Variants in PADI3 observed in about 807,000 individuals in gnomAD.
The protein encoded by PADI3 is protein-arginine deiminase type-3.
A neutral mutation model predicts 71.5 loss-of-function variants in PADI3; 53 were observed. The ratio of observed to expected loss-of-function variants is 0.74; its 90% confidence interval spans 0.59 to 0.93. The LOEUF is 0.93. Among genes scored for constraint, PADI3 ranks in the 40% least tolerant of loss-of-function variants. The pLI, the probability that PADI3 is intolerant of heterozygous loss-of-function variation, is 0.00. For synonymous variants in PADI3, 361 were observed against 347.5 expected (o/e 1.04, Z -0.43); for missense variants, 821 against 868.0 (o/e 0.95, Z 0.68).
intron 1 of PADI3, among the ~76,000 whole-genome samples, chr1:17,251,822 T>C (rs1056289920): frequency 6.6e-6 from 1 of 152,226 alleles, no homozygotes; most frequent in Non-Finnish European, 1.5e-5. Flanking sequence ...CCTGGGCCTG[T>C]GGACAGCCTC....
intron 3 of PADI3, 125 bp from the exon 4 acceptor site, chr1:17,265,534 C>A (rs1470425894): frequency 2.4e-6 from 2 of 831,108 alleles, no homozygotes; most frequent in South Asian, 1.5e-5. Flanking sequence ...GATGCCCTCA[C>A]CTCTTGGATG....
intron 1 of PADI3, among the ~76,000 whole-genome samples, chr1:17,250,537 T>A: frequency 6.6e-6 from 1 of 151,480 alleles, no homozygotes; most frequent in East Asian, 1.9e-4. Context: ...TGAGAGGGGG[T>A]GAGGAGCTGG....
intron 15 of PADI3, among the ~76,000 whole-genome samples, chr1:17,281,494 G>A (rs1442428905): frequency 6.9e-6 from 1 of 145,248 alleles, no homozygotes; most frequent in African/African-American, 2.6e-5. Flanking sequence ...TGCCCAGGCT[G>A]GAGGGCAGTG....
rs549818048 is a variant in PADI3, at chr1:17,262,279, G to A, written c.346+74G>A. 1.6e-5 allele frequency: 18 copies of A among 1,132,024 alleles called. No homozygotes were observed. The East Asian group carries it at 1.7e-4, about 11-fold the overall frequency. 70.1% of individuals were successfully genotyped at this position (1,132,024 alleles called of 1,614,324 possible). On this transcript the variant is annotated intron_variant, in intron 3 of 15. Transcript: ENST00000375460. ...ATTCAAGCAGTACAAAAGAGTATACGTTGAAAATTAAACCTCCTTCCCTCC... is the reference window on the plus strand; with the variant it reads ...ATTCAAGCAGTACAAAAGAGTATACATTGAAAATTAAACCTCCTTCCCTCC...
At chr1:17,279,484 C>A (rs773404962) in intron 13 of PADI3, among the ~76,000 whole-genome samples, 5 of 152,134 alleles carry the variant, frequency 3.3e-5, no homozygotes, top group African/African-American at 1.2e-4. Context: ...TGGGGTGAAG[C>A]GGGCGTTAGA....
In PADI3 at chr1:17,270,904, C is replaced by A; in HGVS notation, c.857C>A (p.Thr286Asn). 3 of 1,614,134 alleles carry A rather than the reference C, an allele frequency of 1.9e-6. No homozygotes were observed. Among genetic ancestry groups the A allele is most frequent in the Non-Finnish European group, 2.5e-6 (3 of 1,180,000 alleles). The change falls in exon 8 of 16, where the codon ACT becomes AAT. Residue 286 changes from threonine to asparagine, a missense_variant. Transcript: ENST00000375460. ...NEDFSASPIF[T>N]DTVVFRVAPW... ...GATTTCTCGGCATCCCCTATCTTCA[C>A]TGACACTGTGGTGTTCCGAGTGGCA... is the stretch of plus-strand genomic sequence containing the variant.
intron 5 of PADI3, 91 bp from the exon 6 acceptor site, chr1:17,267,746 C>A: frequency 6.8e-7 from 1 of 1,467,852 alleles, no homozygotes; most frequent in Non-Finnish European, 9.2e-7. Flanking sequence ...GGTCTTGATA[C>A]CCACTGACCT....
rs200351902 is a variant in PADI3, at chr1:17,277,343, C to T, written c.1555+467C>T. Among the ~76,000 whole-genome samples, 113 of 152,224 alleles carry T rather than the reference C, an allele frequency of 7.4e-4. 1 individual carries two copies. Among genetic ancestry groups the T allele is most frequent in the African/African-American group, 2.6e-3 (109 of 41,542 alleles). On this transcript the variant is annotated intron_variant, in intron 13 of 15. Coordinates refer to ENST00000375460, the MANE Select transcript of PADI3 (RefSeq NM_016233.2). ...CTGAGTAGCTGGGATTACAGGCATG[C>T]GCCACCACGCCCGGCTAATTTTGTG...
chr1:17,271,952 A>G (rs987887674), intron 9 of PADI3, among the ~76,000 whole-genome samples: 6 of 152,054 alleles, frequency 3.9e-5, no homozygotes, highest in Non-Finnish European at 8.8e-5. Context: ...ACCTCTGCCC[A>G]GGGAATCAGT....
At chr1:17,260,595 T>C (rs1212971942) in intron 2 of PADI3, among the ~76,000 whole-genome samples, 1 of 152,096 alleles carries the variant, frequency 6.6e-6, no homozygotes, top group Non-Finnish European at 1.5e-5. Flanking sequence ...CGCACACTAA[T>C]GGTCAGGAGA....
intron 5 of PADI3, 39 bp from the exon 6 acceptor site, chr1:17,267,798 G>A: frequency 1.2e-6 from 2 of 1,608,250 alleles, no homozygotes. Flanking sequence ...CAGGGGCCAG[G>A]ACTCCCTTGA....
intron 1 of PADI3, among the ~76,000 whole-genome samples, chr1:17,256,362 T>C (rs1569879322): frequency 6.6e-6 from 1 of 152,232 alleles, no homozygotes; most frequent in East Asian, 1.9e-4. Context: ...AGCTGGCCGA[T>C]GTGTGACCCA....
chr1:17,281,410 G>A (rs550203551), intron 15 of PADI3, among the ~76,000 whole-genome samples: 170 of 152,134 alleles, frequency 1.1e-3, no homozygotes, highest in African/African-American at 4.0e-3. Context: ...AGCCTTGAGG[G>A]CTTTGCCTCT....
At chr1:17,250,515 C>G (rs1229457401) in intron 1 of PADI3, among the ~76,000 whole-genome samples, 1 of 152,068 alleles carries the variant, frequency 6.6e-6, no homozygotes. Flanking sequence ...GGGGTTGATC[C>G]AGGGCATTGG....
chr1:17,270,760 A>G, intron 7 of PADI3, 119 bp from the exon 8 acceptor site: 1 of 755,180 alleles, frequency 1.3e-6, no homozygotes, highest in South Asian at 1.7e-5. Flanking sequence ...CCTCTGGTTC[A>G]TTTCCATCTT....
At chr1:17,273,639 T>C (rs1408311858) in intron 10 of PADI3, among the ~76,000 whole-genome samples, 192 bp downstream of exon 10, 1 of 152,184 alleles carries the variant, frequency 6.6e-6, no homozygotes, top group Non-Finnish European at 1.5e-5. Context: ...AACTTTTTGG[T>C]GTAAGTACGT....
In PADI3 at chr1:17,267,866, C is replaced by A. The variant is rs138903580; in HGVS notation, c.556C>A (p.Arg186=). 7 of 1,613,914 alleles carry A rather than the reference C, an allele frequency of 4.3e-6. No individual in the cohort carries two copies. The highest frequency in any genetic ancestry group is 1.3e-5 in the African/African-American group (1 of 74,948). ...DLEDMSVMVL[R]TQGPAALFDD... is the part of the protein sequence containing the mutation. ...GGAAGACATGTCTGTCATGGTCCTG[C>A]GGACGCAGGGCCCTGCAGCCCTCTT... Residue 186 remains arginine (R), a synonymous_variant, in exon 6 of 16, where the codon CGG becomes AGG. Coordinates refer to ENST00000375460, the MANE Select transcript of PADI3 (RefSeq NM_016233.2).
intron 1 of PADI3, among the ~76,000 whole-genome samples, chr1:17,252,749 T>A (rs889647968): frequency 2.0e-5 from 3 of 152,190 alleles, no homozygotes; most frequent in African/African-American, 7.2e-5. Context: ...GGATGACCTC[T>A]GGTGGGGAGG....
At position 17,282,727 on chromosome 1, in the gene PADI3, G is replaced by A. The variant is rs929190445; in HGVS notation, c.1762-119G>A. The A allele has an allele frequency of 3.1e-5, 23 of 743,734 alleles. No homozygotes were observed. In the African/African-American group the frequency reaches 3.2e-4, roughly 10 times the overall value. 46.1% of individuals were successfully genotyped at this position (743,734 alleles called of 1,614,324 possible). A position where few individuals can be genotyped will look rare whatever the true frequency, so the allele number is the denominator to read the frequency against. ...TAGCCAGTTACCTTCTCATTGCACAGGAAAGGGTGAGTAGCTATTGACAAG... is the reference window on the plus strand; with the variant it reads ...TAGCCAGTTACCTTCTCATTGCACAAGAAAGGGTGAGTAGCTATTGACAAG... On this transcript the variant is annotated intron_variant, in intron 15 of 15. Transcript: ENST00000375460.
Sources: gnomAD v4.1 joint callset for allele counts (sites outside exome capture counted in the v4.1 genomes callset) on GRCh38, gnomAD v4.1.1 for gene constraint, MANE v1.5 for transcripts, NCBI Gene and HGNC (gene_info 2026-07-23, HGNC 2026-07-21) for gene names.